NELFA: variants seen among roughly 807,000 people sequenced by gnomAD.
NELFA encodes the protein negative elongation factor A.
NELFA carries 35 observed loss-of-function variants against 51.8 expected under a neutral mutation model. That is an observed-to-expected ratio of 0.68 (90% confidence interval 0.52 to 0.90). The LOEUF is 0.90. Ranked by LOEUF, NELFA falls within the 40% of genes least tolerant of loss-of-function variation. NELFA has a pLI of 0.00. For missense variants in NELFA, 658 were observed against 746.4 expected, an observed-to-expected ratio of 0.88 and a Z score of 1.38; for synonymous variants, 417 against 338.4, an observed-to-expected ratio of 1.23 and a Z score of -2.55.
At position 1,983,700 on chromosome 4, in the gene NELFA, A is replaced by C; in HGVS notation, c.1303-5T>G. The C allele has an allele frequency of 6.2e-7, 1 of 1,613,196 alleles. No homozygotes were observed. Among genetic ancestry groups the C allele is most frequent in the South Asian group, 1.1e-5 (1 of 91,068 alleles). On this transcript the variant is annotated splice_polypyrimidine_tract_variant and splice_region_variant and intron_variant, in intron 9 of 10. Transcript: ENST00000382882. ...GGCAGCGAACATCTGCTCTCTCTAC[A>C]GCGGGGAGAGGGGTGTGGGTGCCAG...
At chr4:2,004,861 A>G (rs917709138) in intron 1 of NELFA, among the ~76,000 whole-genome samples, 4 of 145,376 alleles carry the variant, frequency 2.8e-5, no homozygotes, top group Non-Finnish European at 3.0e-5. Flanking sequence ...GCTGGAGTGC[A>G]GTGGCGCGAT....
At chr4:2,008,653 T>G (rs1577635292) in intron 1 of NELFA, 97 bp downstream of exon 1, 68 of 1,199,854 alleles carry the variant, frequency 5.7e-5, no homozygotes, top group African/African-American at 1.4e-4. Context: ...GATGGGAAGG[T>G]TGGGGGAGGG....
intron 4 of NELFA, chr4:1,987,617 C>A (rs537142589): frequency 3.6e-4 from 143 of 399,580 alleles, no homozygotes; most frequent in African/African-American, 3.2e-3. Flanking sequence ...TCCTCAGATC[C>A]CGGCCTTCCT....
At chr4:1,987,601 G>A in intron 4 of NELFA, 2 of 363,468 alleles carry the variant, frequency 5.5e-6, no homozygotes, top group Non-Finnish European at 5.0e-6. Flanking sequence ...GCAGGGGCCA[G>A]CACTGTCCTC....
intron 4 of NELFA, 126 bp from the exon 5 acceptor site, chr4:1,986,528 G>C: frequency 6.8e-7 from 1 of 1,468,954 alleles, no homozygotes; most frequent in Non-Finnish European, 9.2e-7. Context: ...CCCCTGGCGG[G>C]CAGCGGGCAG....
intron 1 of NELFA, among the ~76,000 whole-genome samples, chr4:1,994,848 C>CA (rs35875576): frequency 0.038 from 3,083 of 81,548 alleles, 39 homozygotes; most frequent in African/African-American, 0.049. Flanking sequence ...GACTCCGTCT[C>CA]AAAAAAAAAA....
At chr4:2,007,787 C>T (rs986584746) in intron 1 of NELFA, among the ~76,000 whole-genome samples, 1 of 152,162 alleles carries the variant, frequency 6.6e-6, no homozygotes, top group African/African-American at 2.4e-5. Flanking sequence ...CAAAAATGCA[C>T]TTTTCCATAC....
chr4:1,988,399 C>T (rs891916674), intron 3 of NELFA, among the ~76,000 whole-genome samples: 5 of 152,246 alleles, frequency 3.3e-5, no homozygotes, highest in African/African-American at 4.8e-5. Context: ...AAGAAACAAA[C>T]GAAGAGATAT....
chr4:1,983,232 G>A lies in NELFA; in HGVS notation c.*87C>T. ...GGCGGCCGGGGGACCTCGGGGGCCAGGTGTCCGCCATCCGGTTACTTTAAG... is the reference window on the plus strand; with the variant it reads ...GGCGGCCGGGGGACCTCGGGGGCCAAGTGTCCGCCATCCGGTTACTTTAAG... On this transcript the variant is annotated 3_prime_UTR_variant, in exon 11 of 11. Coordinates refer to ENST00000382882, the MANE Select transcript of NELFA (RefSeq NM_005663.5). 7.1e-7 allele frequency: 1 copy of A among 1,415,544 alleles called. No individual in the cohort carries two copies. Among genetic ancestry groups the A allele is most frequent in the Non-Finnish European group, 9.6e-7 (1 of 1,038,114 alleles). The allele number at this position is 1,415,544 out of a possible 1,614,324, so 87.7% of individuals were successfully genotyped here.
chr4:1,985,891 A>G, intron 6 of NELFA, 27 bp from the exon 7 acceptor site: 1 of 1,586,670 alleles, frequency 6.3e-7, no homozygotes, highest in South Asian at 1.1e-5. Context: ...AGTCCTCGCC[A>G]GTGCCCGGGC....
At position 2,006,987 on chromosome 4, in the gene NELFA, A is replaced by G. The variant is rs140986659; in HGVS notation, c.210+1763T>C. 1,345 of 163,610 alleles carry G rather than the reference A, an allele frequency of 8.2e-3. 18 individuals carry two copies. The highest frequency in any genetic ancestry group is 0.03 in the African/African-American group (1,272 of 41,794). 10.1% of individuals were successfully genotyped at this position (163,610 alleles called of 1,614,324 possible). ...AAAACCAAACAGCAGGCCGAGTGCCATGGCTCACACCTGTAATCCCAGCCC... is the reference window on the plus strand; with the variant it reads ...AAAACCAAACAGCAGGCCGAGTGCCGTGGCTCACACCTGTAATCCCAGCCC... On this transcript the variant is annotated intron_variant, in intron 1 of 10. Coordinates refer to ENST00000382882, the MANE Select transcript of NELFA (RefSeq NM_005663.5).
intron 8 of NELFA, 40 bp from the exon 9 acceptor site, chr4:1,984,153 C>A (rs1349672600): frequency 6.8e-7 from 1 of 1,478,154 alleles, no homozygotes; most frequent in Non-Finnish European, 8.9e-7. Flanking sequence ...GCTGGACCCC[C>A]ACCCTGTTCC....
chr4:1,987,160 T>C (rs1423140494), intron 4 of NELFA, among the ~76,000 whole-genome samples: 3 of 152,198 alleles, frequency 2.0e-5, no homozygotes, highest in Admixed American at 6.5e-5. Flanking sequence ...TGTGGGATTA[T>C]GGGAGCCCAA....
At chr4:1,991,302 C>T (rs753217021) in intron 2 of NELFA, among the ~76,000 whole-genome samples, 2 of 152,164 alleles carry the variant, frequency 1.3e-5, no homozygotes, top group Non-Finnish European at 2.9e-5. Flanking sequence ...CGTGACACAG[C>T]CTCCCACTGA....
chr4:2,006,299 C>T (rs1237541822), intron 1 of NELFA, among the ~76,000 whole-genome samples: 1 of 152,216 alleles, frequency 6.6e-6, no homozygotes, highest in East Asian at 1.9e-4. Flanking sequence ...TTCACACAAT[C>T]ATCAATTCCA....
intron 2 of NELFA, chr4:1,990,097 GTAAA>G (rs1728228949): frequency 1.7e-6 from 1 of 575,628 alleles, no homozygotes; most frequent in Admixed American, 3.1e-5. Context: ...TGAGAGGGCT[GTAAA>G]CTGGAAACCT....
rs16341 is a variant in NELFA at position 1,982,787 on chromosome 4, A to ACTGT, written c.*528_*531dup. On this transcript the variant is annotated 3_prime_UTR_variant, in exon 11 of 11. Coordinates refer to ENST00000382882, the MANE Select transcript of NELFA (RefSeq NM_005663.5). ...TTACAATGAAAATAGGTACCCAAAG[A>ACTGT]CTGTCTTAAATGTCCACAACTATAC... 0.11 allele frequency: 16,407 copies of ACTGT among 152,654 alleles called. 1,257 individuals are homozygous for ACTGT. Among genetic ancestry groups the ACTGT allele is most frequent in the Admixed American group, 0.16 (2,448 of 15,294 alleles). 9.5% of individuals were successfully genotyped at this position (152,654 alleles called of 1,614,324 possible).
At chr4:1,985,175 G>A (rs773047004) in intron 7 of NELFA, among the ~76,000 whole-genome samples, 1 of 152,190 alleles carries the variant, frequency 6.6e-6, no homozygotes, top group Non-Finnish European at 1.5e-5. Context: ...CCCATCTTGA[G>A]CACAGAAGGA....
rs184242136 is a variant in NELFA, at chr4:2,006,495, C to T, written c.210+2255G>A. Among the ~76,000 whole-genome samples the T allele has an allele frequency of 1.6e-3, 236 of 152,112 alleles. 2 individuals carry two copies. The highest frequency in any genetic ancestry group is 5.3e-3 in the African/African-American group (220 of 41,494). On this transcript the variant is annotated intron_variant, in intron 1 of 10. Coordinates refer to ENST00000382882, the MANE Select transcript of NELFA (RefSeq NM_005663.5). ...CCATGATTCCAGGAAAAGGGCTGGG[C>T]GCACAGATCACACCTGTAATCCCAA...
Sources: gnomAD v4.1 joint callset for allele counts (sites outside exome capture counted in the v4.1 genomes callset) on GRCh38, gnomAD v4.1.1 for gene constraint, MANE v1.5 for transcripts, NCBI Gene and HGNC (gene_info 2026-07-23, HGNC 2026-07-21) for gene names.